The following NCKAP5 variants were observed in gnomAD, a reference collection of about 807,000 sequenced individuals.
NCKAP5 encodes the protein nck-associated protein 5.
In NCKAP5, 92 loss-of-function variants were observed where a neutral mutation model predicts 167.0. The ratio of observed to expected loss-of-function variants is 0.55; its 90% CI spans 0.47 to 0.66. The LOEUF (loss-of-function observed/expected upper bound fraction) is 0.66. Among genes scored for constraint, NCKAP5 ranks in the 30% least tolerant of loss-of-function variants. The pLI, the probability that NCKAP5 is intolerant of heterozygous loss-of-function variation, is 0.00. For missense variants in NCKAP5, 2,378 were observed against 2,315.0 expected, an observed-to-expected ratio of 1.03 and a Z score of -0.56; for synonymous variants, 891 against 877.4, an observed-to-expected ratio of 1.02 and a Z score of -0.27.
At chr2:133,382,295 C>T (rs1380659819) in intron 3 of NCKAP5, among the ~76,000 whole-genome samples, 2 of 152,188 alleles carry the variant, frequency 1.3e-5, no homozygotes, top group East Asian at 3.8e-4. Context: ...GCTTAGTCTT[C>T]TGCAATAGCT....
At chr2:133,001,589 C>A (rs1276859111) in intron 6 of NCKAP5, among the ~76,000 whole-genome samples, 1 of 152,142 alleles carries the variant, frequency 6.6e-6, no homozygotes, top group Non-Finnish European at 1.5e-5. Flanking sequence ...AGATGATACT[C>A]CCAGTAATAG....
intron 6 of NCKAP5, chr2:133,122,716 C>T (rs973948070): frequency 5.3e-5 from 8 of 152,090 alleles, no homozygotes; most frequent in Admixed American, 4.6e-4. Context: ...ATGGCCAAAA[C>T]CCAGTCCCAC....
At chr2:133,429,065 C>T (rs886424142) in intron 3 of NCKAP5, among the ~76,000 whole-genome samples, 10 of 152,038 alleles carry the variant, frequency 6.6e-5, no homozygotes, top group Non-Finnish European at 1.2e-4. Flanking sequence ...ATGCCCTCTG[C>T]GGGACGGTTA....
chr2:133,160,769 C>A (rs2083764115), intron 5 of NCKAP5, among the ~76,000 whole-genome samples: 2 of 152,068 alleles, frequency 1.3e-5, no homozygotes, highest in Admixed American at 6.6e-5. Flanking sequence ...CTTTCCATAC[C>A]CAGTTCTGAG....
chr2:133,659,899 C>A, the NCKAP5 span, among the ~76,000 whole-genome samples: 1 of 151,966 alleles, frequency 6.6e-6, no homozygotes, highest in African/African-American at 2.4e-5. Context: ...ATTATATATG[C>A]ATATTATACA....
chr2:133,627,875 C>A, the NCKAP5 span, among the ~76,000 whole-genome samples: 1 of 152,162 alleles, frequency 6.6e-6, no homozygotes, highest in East Asian at 1.9e-4. Flanking sequence ...CTCCTCCCAT[C>A]AGAAGGTGGA....
At chr2:133,291,236 C>T (rs1055737366) in intron 4 of NCKAP5, among the ~76,000 whole-genome samples, 5 of 152,106 alleles carry the variant, frequency 3.3e-5, no homozygotes, top group South Asian at 2.1e-4. Context: ...CTTGGTCTTA[C>T]AGGTTAAAGA....
intron 3 of NCKAP5, among the ~76,000 whole-genome samples, chr2:133,411,352 A>G (rs986643587): frequency 1.1e-4 from 16 of 152,314 alleles, no homozygotes; most frequent in African/African-American, 3.8e-4. Flanking sequence ...TGGCATAAGT[A>G]TCGGAAGGGA....
intron 19 of NCKAP5, among the ~76,000 whole-genome samples, chr2:132,721,229 A>T (rs998806283): frequency 1.3e-5 from 2 of 152,120 alleles, no homozygotes; most frequent in Middle Eastern, 3.2e-3. Context: ...AATCGCTTCA[A>T]CCCAAGAGAC....
chr2:133,373,865 G>A (rs1685965362), intron 3 of NCKAP5, among the ~76,000 whole-genome samples: 1 of 152,162 alleles, frequency 6.6e-6, no homozygotes, highest in South Asian at 2.1e-4. Context: ...ACAAATGGAC[G>A]TTCACATGCC....
intron 6 of NCKAP5, among the ~76,000 whole-genome samples, chr2:133,015,250 G>C (rs1444719361): frequency 1.3e-5 from 2 of 151,870 alleles, no homozygotes; most frequent in Admixed American, 1.3e-4. Flanking sequence ...TGCTTAAAGT[G>C]GCCAAGTAAT....
At chr2:132,859,470 C>T (rs1038429360) in intron 11 of NCKAP5, among the ~76,000 whole-genome samples, 15 of 152,136 alleles carry the variant, frequency 9.9e-5, no homozygotes, top group African/African-American at 3.4e-4. Flanking sequence ...TAGTCCCTGG[C>T]CACATGTGGC....
Position 133,319,850 on chromosome 2 carries a change from C to T in NCKAP5, c.70-16740G>A, listed in dbSNP as rs141150434. Reference sequence around the variant, plus strand: ...ATGCAAATGCTATATAATTAGTTATCATGCTTTTCATGCAAAATTAAATTT... The same window carrying T: ...ATGCAAATGCTATATAATTAGTTATTATGCTTTTCATGCAAAATTAAATTT... On this transcript the variant is annotated intron_variant, in intron 3 of 19. Coordinates refer to ENST00000409261, the MANE Select transcript of NCKAP5 (RefSeq NM_207363.3). Among the ~76,000 whole-genome samples the T allele has an allele frequency of 3.3e-3, 505 of 152,212 alleles. 2 individuals are homozygous for T. The highest frequency in any genetic ancestry group is 6.9e-3 in the Admixed American group (106 of 15,298).
chr2:133,492,882 A>G (rs537376581), intron 3 of NCKAP5, among the ~76,000 whole-genome samples: 5 of 152,176 alleles, frequency 3.3e-5, no homozygotes, highest in Non-Finnish European at 7.3e-5. Context: ...GAGTGGTGAA[A>G]GCCATCTTGC....
At chr2:133,405,096 T>C (rs1688340070) in intron 3 of NCKAP5, among the ~76,000 whole-genome samples, 1 of 152,226 alleles carries the variant, frequency 6.6e-6, no homozygotes, top group Non-Finnish European at 1.5e-5. Context: ...CATAATGTCA[T>C]TGCCAACATT....
chr2:133,406,091 T>C (rs1167780928), intron 3 of NCKAP5, among the ~76,000 whole-genome samples: 1 of 152,230 alleles, frequency 6.6e-6, no homozygotes, highest in African/African-American at 2.4e-5. Flanking sequence ...TGGGATTTTA[T>C]TTAGTCACAC....
At chr2:133,167,227 A>C (rs2084036289) in intron 5 of NCKAP5, among the ~76,000 whole-genome samples, 1 of 152,202 alleles carries the variant, frequency 6.6e-6, no homozygotes, top group Non-Finnish European at 1.5e-5. Flanking sequence ...ACAGGTTATA[A>C]CCCAGAGAAA....
intron 8 of NCKAP5, among the ~76,000 whole-genome samples, chr2:132,940,527 T>A (rs921188901): frequency 6.6e-6 from 1 of 152,002 alleles, no homozygotes; most frequent in Admixed American, 6.6e-5. Flanking sequence ...AAAAGTAATA[T>A]AGAAACTGAA....
chr2:132,674,608 A>G (rs561753493), intron 19 of NCKAP5, among the ~76,000 whole-genome samples: 6 of 152,292 alleles, frequency 3.9e-5, no homozygotes, highest in African/African-American at 1.4e-4. Flanking sequence ...CAAGGTTGCA[A>G]TGAGGAAACT....
Sources: gnomAD v4.1 joint callset for allele counts (sites outside exome capture counted in the v4.1 genomes callset) on GRCh38, gnomAD v4.1.1 for gene constraint, MANE v1.5 for transcripts, NCBI Gene and HGNC (gene_info 2026-07-23, HGNC 2026-07-21) for gene names.